CDC25C: variants seen among roughly 807,000 people sequenced by gnomAD.
CDC25C encodes cell division cycle 25C, also known as M-phase inducer phosphatase 3.
CDC25C carries 48 observed loss-of-function variants against 52.5 expected under a neutral mutation model. The observed-to-expected ratio is 0.91, with a 90% CI of 0.72 to 1.16. CDC25C has a LOEUF of 1.16. Ranked by LOEUF, CDC25C falls within the 50% of genes most tolerant of loss-of-function variation. CDC25C has a pLI of 0.00. For synonymous variants in CDC25C, 187 were observed against 206.5 expected, an observed-to-expected ratio of 0.91 and a Z score of 0.81; for missense variants, 510 against 566.1, an observed-to-expected ratio of 0.90 and a Z score of 1.01.
At chr5:138,291,303 T>A (rs557084212) in intron 8 of CDC25C, among the ~76,000 whole-genome samples, 22 of 152,110 alleles carry the variant, frequency 1.4e-4, no homozygotes, top group Non-Finnish European at 2.9e-4. Context: ...CTATATGATG[T>A]TGTTTCTGTC....
At chr5:138,321,687 G>T (rs1759400779) in intron 6 of CDC25C, among the ~76,000 whole-genome samples, 1 of 140,830 alleles carries the variant, frequency 7.1e-6, no homozygotes, top group Non-Finnish European at 1.5e-5. Context: ...AGGAGGCAGA[G>T]GTTGCAGTGA....
At position 138,321,020 on chromosome 5, in the gene CDC25C, G is replaced by A. The variant is rs74457900; in HGVS notation, c.460-1646C>T. Among the ~76,000 whole-genome samples, 2,489 of 151,662 alleles carry A rather than the reference G, an allele frequency of 0.016. 198 individuals are homozygous for A. In the East Asian group the frequency reaches 0.24, roughly 15 times the overall value. On this transcript the variant is annotated intron_variant, in intron 6 of 13. Coordinates refer to ENST00000323760, the MANE Select transcript of CDC25C (RefSeq NM_001790.5). ...TGAGGTGGGAGAATAATCAGAGCCC[G>A]GGAGTTTGAGGCTGCAGTGAGTTAT...
intron 7 of CDC25C, 109 bp from the exon 8 acceptor site, chr5:138,292,225 T>C: frequency 1.2e-6 from 1 of 801,602 alleles, no homozygotes; most frequent in South Asian, 2.0e-5. Context: ...TTCCAGATGT[T>C]AGGCCACACC....
At chr5:138,289,142 T>C (rs1219431464) in intron 10 of CDC25C, among the ~76,000 whole-genome samples, 1 of 152,160 alleles carries the variant, frequency 6.6e-6, no homozygotes, top group Admixed American at 6.5e-5. Context: ...TTTTTTTGTA[T>C]TTTTATTAGA....
intron 7 of CDC25C, among the ~76,000 whole-genome samples, chr5:138,316,345 C>T (rs775442537): frequency 2.7e-4 from 41 of 152,316 alleles, no homozygotes; most frequent in Non-Finnish European, 3.4e-4. Flanking sequence ...GCCACCTTGA[C>T]CCCCTCTAGA....
In CDC25C at chr5:138,290,694, GT is replaced by G; in HGVS notation, c.808del (p.Thr270LeufsTer13). ...GTTAGAATCTTCCTCCAGCATCTGA[GT>G]GATAGTAATGTCACACAGAGAGACT... ...KTVSLCDITI[T>X]QMLEEDSNQG... On this transcript the variant is annotated frameshift_variant, in exon 9 of 14. Coordinates refer to ENST00000323760, the MANE Select transcript of CDC25C (RefSeq NM_001790.5). LOFTEE classifies it high-confidence loss of function. 4 of 1,612,692 alleles carry G rather than the reference GT, an allele frequency of 2.5e-6. No homozygotes were observed. The highest frequency in any genetic ancestry group is 3.4e-6 in the Non-Finnish European group (4 of 1,178,722).
chr5:138,315,004 T>C (rs990875851), intron 7 of CDC25C, among the ~76,000 whole-genome samples: 1 of 148,994 alleles, frequency 6.7e-6, no homozygotes, highest in African/African-American at 2.5e-5. Context: ...CTCGGCTCAC[T>C]GCAGCCTCTG....
At chr5:138,309,658 C>T (rs1360773353) in intron 7 of CDC25C, among the ~76,000 whole-genome samples, 1 of 151,354 alleles carries the variant, frequency 6.6e-6, no homozygotes, top group East Asian at 1.9e-4. Context: ...ATTATACTAT[C>T]AAGAGCTCAA....
At chr5:138,311,464 G>A (rs1256941665) in intron 7 of CDC25C, among the ~76,000 whole-genome samples, 4 of 152,022 alleles carry the variant, frequency 2.6e-5, no homozygotes, top group Non-Finnish European at 1.5e-5. Flanking sequence ...GTGTGGTGGT[G>A]CATGCCTGTA....
chr5:138,300,600 A>C (rs970528001), intron 7 of CDC25C, among the ~76,000 whole-genome samples: 2 of 152,120 alleles, frequency 1.3e-5, no homozygotes, highest in African/African-American at 4.8e-5. Flanking sequence ...ACAGAAAACT[A>C]ATAAGCATAT....
intron 4 of CDC25C, among the ~76,000 whole-genome samples, chr5:138,326,405 G>C (rs1250903053): frequency 6.6e-6 from 1 of 151,600 alleles, no homozygotes; most frequent in Non-Finnish European, 1.5e-5. Flanking sequence ...GGAGTGGCAC[G>C]ACCTCGGCTC....
At chr5:138,291,398 C>T (rs1045976176) in intron 8 of CDC25C, among the ~76,000 whole-genome samples, 11 of 151,080 alleles carry the variant, frequency 7.3e-5, no homozygotes, top group African/African-American at 2.4e-4. Flanking sequence ...GTTGGGAAGA[C>T]GGTATGATGA....
chr5:138,327,237 G>T, intron 4 of CDC25C, among the ~76,000 whole-genome samples: 1 of 149,540 alleles, frequency 6.7e-6, no homozygotes, highest in Middle Eastern at 3.5e-3. Flanking sequence ...CCTGGCAACA[G>T]AGCGAGACTC....
chr5:138,286,210 G>T, intron 12 of CDC25C, 77 bp from the exon 13 acceptor site: 1 of 1,141,940 alleles, frequency 8.8e-7, no homozygotes, highest in Non-Finnish European at 1.3e-6. Flanking sequence ...CTGGGGAGGG[G>T]GGAGAGGAGT....
At chr5:138,308,933 A>G (rs2126744266) in intron 7 of CDC25C, among the ~76,000 whole-genome samples, 1 of 152,254 alleles carries the variant, frequency 6.6e-6, no homozygotes. Flanking sequence ...AAAGGGAGAC[A>G]ACAGTCATAT....
chr5:138,329,728 T>C, intron 2 of CDC25C, 81 bp from the exon 3 acceptor site: 1 of 166,030 alleles, frequency 6.0e-6, no homozygotes, highest in Admixed American at 7.4e-5. Context: ...ATCCTCTTCT[T>C]TTTTTTTTTT....
intron 2 of CDC25C, among the ~76,000 whole-genome samples, chr5:138,330,515 CT>C (rs1254568935): frequency 6.6e-6 from 1 of 152,074 alleles, no homozygotes; most frequent in African/African-American, 2.4e-5. Flanking sequence ...TTTGTCTTTT[CT>C]TTTCTTTTTG....
At chr5:138,326,582 C>T (rs1441640568) in intron 4 of CDC25C, among the ~76,000 whole-genome samples, 1 of 152,058 alleles carries the variant, frequency 6.6e-6, no homozygotes, top group Non-Finnish European at 1.5e-5. Flanking sequence ...ACCTCGTGAT[C>T]CGCCCGCCTC....
At chr5:138,328,647 A>C in intron 3 of CDC25C, 118 bp from the exon 4 acceptor site, 1 of 816,836 alleles carries the variant, frequency 1.2e-6, no homozygotes, top group South Asian at 1.5e-5. Context: ...TGAGCTTTTG[A>C]ATACAAAGCC....
Sources: gnomAD v4.1 joint callset for allele counts (sites outside exome capture counted in the v4.1 genomes callset) on GRCh38, gnomAD v4.1.1 for gene constraint, MANE v1.5 for transcripts, NCBI Gene and HGNC (gene_info 2026-07-23, HGNC 2026-07-21) for gene names.